WBP1L: variants seen among roughly 807,000 people sequenced by gnomAD.
WBP1L encodes the protein WW domain binding protein 1-like.
WBP1L carries 17 observed loss-of-function variants against 33.7 expected under a neutral mutation model. The ratio of observed to expected loss-of-function variants is 0.50; its 90% confidence interval spans 0.34 to 0.76. The LOEUF is 0.76. Ranked by LOEUF, WBP1L falls within the 30% of genes least tolerant of loss-of-function variation. The probability of loss-of-function intolerance (pLI) is 0.01; values close to 1 mark genes in which losing one functional copy is unlikely to be tolerated. For synonymous variants in WBP1L, 173 were observed against 190.8 expected (o/e 0.91, Z 0.77); for missense variants, 389 against 469.4 (o/e 0.83, Z 1.58).
chr10:102,791,465 T>TA (rs1843497408), intron 1 of WBP1L, among the ~76,000 whole-genome samples: 1 of 151,954 alleles, frequency 6.6e-6, no homozygotes, highest in African/African-American at 2.4e-5. Context: ...GGTCAATACA[T>TA]ATGTGTTAAA....
intron 1 of WBP1L, among the ~76,000 whole-genome samples, chr10:102,747,773 C>G (rs920510940): frequency 7.2e-5 from 11 of 152,138 alleles, no homozygotes; most frequent in Admixed American, 2.6e-4. Context: ...AGCGATCTGC[C>G]CATCTCAGCC....
intron 1 of WBP1L, among the ~76,000 whole-genome samples, chr10:102,797,626 C>G (rs1454901796): frequency 1.3e-5 from 2 of 152,030 alleles, no homozygotes; most frequent in African/African-American, 4.8e-5. Context: ...GATCTTGGCT[C>G]ACTGCAATCT....
chr10:102,769,356 CTTTCTTTTTT>C (rs1423355440), intron 1 of WBP1L, among the ~76,000 whole-genome samples: 1 of 134,664 alleles, frequency 7.4e-6, no homozygotes, highest in African/African-American at 2.6e-5. Flanking sequence ...TTTCTTTTTT[CTTTCTTTTTT>C]TTTTTTTTAC....
intron 2 of WBP1L, 73 bp downstream of exon 2, chr10:102,798,168 G>A (rs899369213): frequency 3.0e-6 from 4 of 1,326,438 alleles, no homozygotes; most frequent in Non-Finnish European, 3.2e-6. Flanking sequence ...GGAAACTCTG[G>A]GCATTAGCCC....
At chr10:102,804,192 C>T (rs1843699080) in intron 2 of WBP1L, among the ~76,000 whole-genome samples, 1 of 151,756 alleles carries the variant, frequency 6.6e-6, no homozygotes, top group Non-Finnish European at 1.5e-5. Flanking sequence ...AGTTCGAGAC[C>T]AGCCTGGCCA....
At chr10:102,791,344 C>T (rs1173944386) in intron 1 of WBP1L, among the ~76,000 whole-genome samples, 2 of 152,052 alleles carry the variant, frequency 1.3e-5, no homozygotes, top group African/African-American at 2.4e-5. Flanking sequence ...AGTTACCTAC[C>T]CAGCTATATT....
At chr10:102,776,101 T>C in intron 1 of WBP1L, 1 of 1,303,554 alleles carries the variant, frequency 7.7e-7, no homozygotes, top group Non-Finnish European at 9.8e-7. Flanking sequence ...CTGCTGCGCC[T>C]GAACTGATGT....
chr10:102,785,256 C>T (rs768887209), intron 1 of WBP1L, among the ~76,000 whole-genome samples: 13 of 144,268 alleles, frequency 9.0e-5, no homozygotes, highest in African/African-American at 2.6e-4. Context: ...AGTGCGATTT[C>T]GGCTCACTGC....
chr10:102,797,539 T>G (rs1341521869), intron 1 of WBP1L, among the ~76,000 whole-genome samples: 2 of 152,074 alleles, frequency 1.3e-5, no homozygotes, highest in East Asian at 3.8e-4. Flanking sequence ...AAAGTTTTTT[T>G]TGTTTGTTTG....
chr10:102,803,740 C>T (rs1301401829), intron 2 of WBP1L, among the ~76,000 whole-genome samples: 1 of 151,960 alleles, frequency 6.6e-6, no homozygotes, highest in Non-Finnish European at 1.5e-5. Flanking sequence ...TCCCGAGTGG[C>T]TGGGACTATA....
chr10:102,809,870 G>C, intron 2 of WBP1L, 23 bp from the exon 3 acceptor site: 1 of 1,599,768 alleles, frequency 6.3e-7, no homozygotes, highest in African/African-American at 1.3e-5. Flanking sequence ...GTGCCTCTCT[G>C]TCTTGCCTTG....
At chr10:102,761,111 T>G (rs1843031786) in intron 1 of WBP1L, among the ~76,000 whole-genome samples, 1 of 150,296 alleles carries the variant, frequency 6.7e-6, no homozygotes, top group African/African-American at 2.5e-5. Flanking sequence ...TTCACCATGT[T>G]GGCCAGGCTG....
chr10:102,759,767 C>T lies in WBP1L; in HGVS notation c.90+15624C>T, dbSNP rs548327548. On this transcript the variant is annotated intron_variant, in intron 1 of 3. Transcript: ENST00000448841. ...ACAGCCTCCAACTCCCAGGCTCAAG[C>T]GAATCCTCCTGCCTCAGCCTCCTGA... Among the ~76,000 whole-genome samples, 30 of 152,238 alleles carry T rather than the reference C, an allele frequency of 2.0e-4. No homozygotes were observed. In the East Asian group the frequency reaches 3.9e-3, roughly 20 times the overall value.
intron 1 of WBP1L, among the ~76,000 whole-genome samples, chr10:102,747,818 C>G (rs7071523): frequency 0.97 from 148,008 of 152,306 alleles, 71,950 homozygotes; most frequent in East Asian, 1. Flanking sequence ...ATGAGCCACT[C>G]TGCCCAGCCT....
chr10:102,754,586 TG>T, intron 1 of WBP1L, among the ~76,000 whole-genome samples: 1 of 151,952 alleles, frequency 6.6e-6, no homozygotes, highest in Middle Eastern at 3.4e-3. Context: ...TTAGAAGAGA[TG>T]GGGTTTCACT....
At position 102,757,569 on chromosome 10, in the gene WBP1L, CTTTTTTTTTTTT is replaced by C. The variant is rs60213859; in HGVS notation, c.90+13438_90+13449del. Among the ~76,000 whole-genome samples the C allele has an allele frequency of 5.6e-5, 5 of 88,810 alleles. No individual in the cohort carries two copies. In the East Asian group the frequency reaches 1.8e-3, roughly 32 times the overall value. The allele number at this position is 88,810 out of a possible 152,430, so 58.3% of individuals were successfully genotyped here. On this transcript the variant is annotated intron_variant, in intron 1 of 3. Coordinates refer to ENST00000448841, the MANE Select transcript of WBP1L (RefSeq NM_001083913.2). The stretch of plus-strand genomic sequence containing the variant: ...TCTCAGGGGAAGATGGTTTCTGAGC[CTTTTTTTTTTTT>C]TTTTTTTTTTTGTTGATACAAGCTC...
At chr10:102,786,994 G>C (rs1301710659) in intron 1 of WBP1L, among the ~76,000 whole-genome samples, 1 of 152,230 alleles carries the variant, frequency 6.6e-6, no homozygotes. Context: ...AGATCTGAGG[G>C]ATGAGGCTGA....
chr10:102,799,185 GCATGGTGGTGTGTGCCTGCAGT>G (rs1478607607), intron 2 of WBP1L, among the ~76,000 whole-genome samples: 5 of 152,162 alleles, frequency 3.3e-5, no homozygotes, highest in Non-Finnish European at 5.9e-5. Context: ...AATTATCTGG[GCATGGTGGTGTGTGCCTGCAGT>G]CCCAGCTACT....
intron 2 of WBP1L, among the ~76,000 whole-genome samples, chr10:102,805,183 G>A (rs1198721328): frequency 6.6e-6 from 1 of 152,126 alleles, no homozygotes; most frequent in Non-Finnish European, 1.5e-5. Context: ...TACTAGAGAG[G>A]CTAAAGTGGG....
Sources: gnomAD v4.1 joint callset for allele counts (sites outside exome capture counted in the v4.1 genomes callset) on GRCh38, gnomAD v4.1.1 for gene constraint, MANE v1.5 for transcripts, NCBI Gene and HGNC (gene_info 2026-07-23, HGNC 2026-07-21) for gene names.